Variants in DNHD1 observed in about 807,000 individuals in gnomAD.
DNHD1 encodes dynein heavy chain domain-containing protein 1.
DNHD1 carries 383 observed loss-of-function variants against 458.1 expected under a neutral mutation model. That is an observed-to-expected ratio of 0.84 (90% confidence interval 0.77 to 0.91). DNHD1 has a LOEUF of 0.91. DNHD1 is among the 40% of genes least tolerant of loss of function. The pLI is 0.00. For missense variants in DNHD1, 5,336 were observed against 5,866.1 expected (o/e 0.91, Z 2.95); for synonymous variants, 2,203 against 2,376.9 (o/e 0.93, Z 2.13).
intron 24 of DNHD1, among the ~76,000 whole-genome samples, chr11:6,550,120 T>C (rs1165226013): frequency 1.3e-5 from 2 of 152,262 alleles, no homozygotes; most frequent in African/African-American, 2.4e-5. Context: ...TACTATGTGC[T>C]CTATGATATG....
Position 6,567,037 on chromosome 11 carries a change from A to G in DNHD1, c.11528A>G (p.Glu3843Gly). The G allele has an allele frequency of 6.2e-7, 1 of 1,614,022 alleles. No individual in the cohort carries two copies. Among genetic ancestry groups the G allele is most frequent in the Non-Finnish European group, 8.5e-7 (1 of 1,179,904 alleles). The change falls in exon 36 of 43, where the codon GAG (glutamate) becomes GGG (glycine). Residue 3843 changes from glutamate to glycine, a missense_variant. By Grantham distance (98) the Glu-to-Gly change is moderately conservative (BLOSUM62 -2). Coordinates refer to ENST00000254579, the MANE Select transcript of DNHD1 (RefSeq NM_144666.3). ...GAGTTAGAAGGGCAGAAACTACAGG[A>G]GATGGTATTGTGGGCACCCTATCGA... The part of the protein sequence containing the change: ...CEELEGQKLQ[E>G]MVLWAPYRPV...
In DNHD1 at chr11:6,567,808, C is replaced by T; in HGVS notation, c.12299C>T (p.Ala4100Val). ...ILLPPPGHPS[A>V]TLHPLTVIQK... ...TTGCCACCGCCTGGCCACCCCTCAG[C>T]CACTCTGCATCCTCTGACTGTCATC... The change falls in exon 36 of 43, where the codon GCC becomes GTC. Residue 4100 changes from alanine to valine, a missense_variant. This residue lies in a region of DNHD1 where 695 missense variants were observed against 804.2 expected (regional missense o/e 0.86). Transcript: ENST00000254579. The T allele has an allele frequency of 6.2e-7, 1 of 1,613,610 alleles. No individual in the cohort carries two copies.
In DNHD1 at chr11:6,564,453, C is replaced by T; in HGVS notation, c.10405C>T (p.Leu3469=). The T allele has an allele frequency of 1.3e-6, 2 of 1,551,742 alleles. No homozygotes were observed. Among genetic ancestry groups the T allele is most frequent in the Non-Finnish European group, 8.7e-7 (1 of 1,147,004 alleles). ...RQELLDEWLA[L]CRGFQEALGP... ...AGAGCTACTGGACGAGTGGTTAGCT[C>T]TGTGTAGGGGCTTTCAGGAGGCTCT... The change falls in exon 32 of 43, where the codon CTG becomes TTG. Residue 3469 remains leucine, a synonymous_variant. Transcript: ENST00000254579.
rs202039673 is a variant in DNHD1, at chr11:6,571,841, C to T, written c.14117C>T (p.Ser4706Leu). The change falls in exon 43 of 43, where the codon TCG becomes TTG. Residue 4706 changes from serine to leucine, a missense_variant. Physicochemically the swap from Ser to Leu is moderately radical, Grantham distance 145. Around this residue, in one of 4 missense-constraint regions of DNHD1, gnomAD observed 698 missense variants for 664.9 expected, o/e 1.05. Coordinates refer to ENST00000254579, the MANE Select transcript of DNHD1 (RefSeq NM_144666.3). This position sits in a 1 kb window ranked among gnomAD's most constrained non-coding sequence, Gnocchi z 5.0. The part of the protein sequence containing the change: ...LPAPADLTVY[S>L]CPVYMGGPLG... ...GCCCCAGCCGACCTGACTGTGTACT[C>T]GTGTCCTGTGTACATGGGAGGGCCC... 1.6e-5 allele frequency: 26 copies of T among 1,613,960 alleles called. No homozygotes were observed. Among genetic ancestry groups the T allele is most frequent in the East Asian group, 8.9e-5 (4 of 44,882 alleles).
At position 6,568,684 on chromosome 11, in the gene DNHD1, C is replaced by T. The variant is rs772925153; in HGVS notation, c.12681C>T (p.Ser4227=). The part of the protein sequence containing the change: ...ASLPAVLTQH[S]MPVFWNQSLE... ...CCCCAGCTGTGCTGACTCAGCACTCCATGCCTGTTTTCTGGAACCAGTCCC... is the reference window on the plus strand; with the variant it reads ...CCCCAGCTGTGCTGACTCAGCACTCTATGCCTGTTTTCTGGAACCAGTCCC... Residue 4227 remains serine, a synonymous_variant, in exon 39 of 43, where the codon TCC becomes TCT. Coordinates refer to ENST00000254579, the MANE Select transcript of DNHD1 (RefSeq NM_144666.3). 4 of 1,613,884 alleles carry T rather than the reference C, an allele frequency of 2.5e-6. No individual in the cohort carries two copies. Among genetic ancestry groups the T allele is most frequent in the Non-Finnish European group, 3.4e-6 (4 of 1,179,804 alleles).
chr11:6,520,590 G>A, intron 10 of DNHD1: 1 of 1,216,966 alleles, frequency 8.2e-7, no homozygotes, highest in Non-Finnish European at 1.0e-6. Flanking sequence ...TTTTTCTCCA[G>A]TGCCATAATT....
chr11:6,506,108 G>A (rs1852224921), intron 4 of DNHD1, among the ~76,000 whole-genome samples: 1 of 152,218 alleles, frequency 6.6e-6, no homozygotes, highest in Non-Finnish European at 1.5e-5. Context: ...ACCCATTGCA[G>A]TGAGTTCAGC....
intron 32 of DNHD1, among the ~76,000 whole-genome samples, chr11:6,565,035 T>C (rs1853668169): frequency 6.6e-6 from 1 of 152,226 alleles, no homozygotes; most frequent in Admixed American, 6.5e-5. Context: ...ACTTCCCTGG[T>C]CTACTCAGCA....
intron 24 of DNHD1, among the ~76,000 whole-genome samples, chr11:6,550,510 A>G (rs1026560289): frequency 3.9e-5 from 6 of 152,212 alleles, no homozygotes; most frequent in African/African-American, 1.4e-4. Flanking sequence ...GTATAAAATA[A>G]AAAATAAATA....
intron 20 of DNHD1, 50 bp from the exon 21 acceptor site, chr11:6,544,742 G>A (rs1466745017): frequency 1.3e-6 from 2 of 1,540,600 alleles, no homozygotes; most frequent in Non-Finnish European, 1.8e-6. Context: ...TGGGAAAGGG[G>A]AGCTGCCACT....
chr11:6,500,744 A>G (rs373683916), intron 3 of DNHD1, among the ~76,000 whole-genome samples: 7 of 152,208 alleles, frequency 4.6e-5, no homozygotes, highest in East Asian at 3.8e-4. Context: ...CATTCATTCA[A>G]TAAGTGTTGG....
In DNHD1 at chr11:6,570,738, A is replaced by G. The variant is rs200866888; in HGVS notation, c.13226A>G (p.Gln4409Arg). ...EGPQAWLLRR[Q>R]SRALLSALQR... ...CCCCAAGCCTGGCTGTTGCGACGCC[A>G]GAGTCGCGCTCTCTTGAGTGCGCTG... is the stretch of plus-strand genomic sequence containing the variant. The change falls in exon 42 of 43, where the codon CAG becomes CGG. Residue 4409 changes from glutamine (Q) to arginine (R), a missense_variant. Gln to Arg is a conservative substitution (Grantham distance 43). Transcript: ENST00000254579. 2.6e-4 allele frequency: 423 copies of G among 1,611,424 alleles called. 2 individuals carry two copies. Among genetic ancestry groups the G allele is most frequent in the Middle Eastern group, 2.0e-3 (12 of 6,056 alleles).
intron 14 of DNHD1, chr11:6,534,375 G>A (rs1235021317): frequency 1.7e-6 from 1 of 597,822 alleles, no homozygotes; most frequent in Non-Finnish European, 2.9e-6. Flanking sequence ...TGCTTAGGGT[G>A]GGGGTATGGG....
chr11:6,562,462 G>A (rs529810963), intron 28 of DNHD1, among the ~76,000 whole-genome samples: 2 of 152,258 alleles, frequency 1.3e-5, no homozygotes, highest in African/African-American at 4.8e-5. Context: ...ACGTAAGTAG[G>A]AATCAAAGCC....
In DNHD1 at chr11:6,558,526, TG is replaced by T; in HGVS notation, c.9045del (p.Ile3016LeufsTer16). 1.3e-6 allele frequency: 2 copies of T among 1,551,724 alleles called. No homozygotes were observed. The highest frequency in any genetic ancestry group is 1.7e-6 in the Non-Finnish European group (2 of 1,147,010). ...QVCSHLHLFF[L>X]IGDKQAHKQL... Reference sequence around the variant, plus strand: ...TGCAGCCACCTTCACCTGTTCTTCCTGATTGGAGATAAACAGGCCCACAAGC... The same window carrying T: ...TGCAGCCACCTTCACCTGTTCTTCCTATTGGAGATAAACAGGCCCACAAGC... On this transcript the variant is annotated frameshift_variant, in exon 26 of 43. Coordinates refer to ENST00000254579, the MANE Select transcript of DNHD1 (RefSeq NM_144666.3). LOFTEE classifies it high-confidence loss of function.
chr11:6,517,285 C>A (rs186270775), intron 7 of DNHD1, among the ~76,000 whole-genome samples: 76 of 152,282 alleles, frequency 5.0e-4, no homozygotes, highest in African/African-American at 1.7e-3. Flanking sequence ...ACATTAGATT[C>A]CCAGAACTTG....
Position 6,564,004 on chromosome 11 carries a change from C to A in DNHD1, c.10164C>A (p.Ala3388=), listed in dbSNP as rs1156585771. ...CCCTGGCTAAGATGGTGGAGGATGC[C>A]CAAGCTTCCCACAACTGCGTGGCAA... is the stretch of plus-strand genomic sequence containing the variant. ...NLALAKMVED[A]QASHNCVAKT... Residue 3388 remains alanine (A), a synonymous_variant, in exon 31 of 43, where the codon GCC becomes GCA. Coordinates refer to ENST00000254579, the MANE Select transcript of DNHD1 (RefSeq NM_144666.3). 4 of 1,551,726 alleles carry A rather than the reference C, an allele frequency of 2.6e-6. No homozygotes were observed. The Admixed American group carries it at 7.8e-5, about 30-fold the overall frequency.
chr11:6,538,354 C>A (rs545660222), intron 14 of DNHD1, 29 bp from the exon 15 acceptor site: 1 of 1,551,462 alleles, frequency 6.4e-7, no homozygotes, highest in East Asian at 2.4e-5. Flanking sequence ...TGCAAGTAGC[C>A]CAGGTCTCAA....
intron 7 of DNHD1, among the ~76,000 whole-genome samples, chr11:6,518,140 C>T (rs1470831077): frequency 1.3e-5 from 2 of 152,196 alleles, no homozygotes; most frequent in African/African-American, 4.8e-5. Flanking sequence ...ATCACTGCAG[C>T]CTCAACTTCC....
Sources: gnomAD v4.1 joint callset for allele counts (sites outside exome capture counted in the v4.1 genomes callset) on GRCh38, gnomAD v4.1.1 for gene constraint, gnomAD v4.1.1 regional missense constraint, Gnocchi (gnomAD v3.1) non-coding constraint, MANE v1.5 for transcripts, NCBI Gene and HGNC (gene_info 2026-07-23, HGNC 2026-07-21) for gene names.